The following TXNRD1 variants were observed in gnomAD, a reference collection of about 807,000 sequenced individuals.
The protein encoded by TXNRD1 is thioredoxin reductase 1, cytoplasmic.
Under a neutral mutation model 80.3 loss-of-function variants are expected in TXNRD1, and 57 were observed. The ratio of observed to expected loss-of-function variants is 0.71; its 90% CI spans 0.57 to 0.89. TXNRD1 has a LOEUF of 0.89. Ranked by LOEUF, TXNRD1 falls within the 40% of genes least tolerant of loss-of-function variation. TXNRD1 has a pLI of 0.00. For synonymous variants in TXNRD1, 291 were observed against 285.2 expected (o/e 1.02, Z -0.20); for missense variants, 730 against 803.0 (o/e 0.91, Z 1.10).
At chr12:104,309,188 C>A (rs2035041335) in intron 4 of TXNRD1, among the ~76,000 whole-genome samples, 1 of 152,192 alleles carries the variant, frequency 6.6e-6, no homozygotes, top group African/African-American at 2.4e-5. Context: ...GCATGAGCCA[C>A]CTCACTCAGT....
chr12:104,290,928 A>G (rs891752529), intron 4 of TXNRD1: 13 of 608,958 alleles, frequency 2.1e-5, no homozygotes, highest in Middle Eastern at 3.9e-4. Context: ...AACTCACTTA[A>G]TTGATTTGGT....
At chr12:104,281,918 C>T (rs964070643) in intron 3 of TXNRD1, among the ~76,000 whole-genome samples, 1 of 152,124 alleles carries the variant, frequency 6.6e-6, no homozygotes, top group Non-Finnish European at 1.5e-5. Flanking sequence ...TTTTTTCTCA[C>T]TCATTAGGCT....
chr12:104,236,722 G>C (rs1239666419), intron 1 of TXNRD1, among the ~76,000 whole-genome samples: 3 of 148,064 alleles, frequency 2.0e-5, no homozygotes, highest in Non-Finnish European at 3.0e-5. Flanking sequence ...CCAGGAGGCA[G>C]AGCTGTGGTA....
At chr12:104,218,696 C>T (rs1024256669) in intron 1 of TXNRD1, among the ~76,000 whole-genome samples, 1 of 151,204 alleles carries the variant, frequency 6.6e-6, no homozygotes, top group East Asian at 2.0e-4. Context: ...TAGCTCATTG[C>T]AGCCTCAACC....
intron 1 of TXNRD1, among the ~76,000 whole-genome samples, chr12:104,222,542 G>A (rs562792270): frequency 4.0e-4 from 61 of 152,326 alleles, no homozygotes; most frequent in African/African-American, 1.4e-3. Context: ...GCTGGTTAAT[G>A]TCTCACAGAG....
intron 4 of TXNRD1, among the ~76,000 whole-genome samples, chr12:104,293,244 A>C (rs561854118): frequency 2.4e-4 from 36 of 152,328 alleles, no homozygotes; most frequent in Middle Eastern, 3.4e-3. Flanking sequence ...GAATAATACC[A>C]AGTGTCAGAC....
chr12:104,272,382 A>G (rs920865276), intron 3 of TXNRD1, among the ~76,000 whole-genome samples: 13 of 152,094 alleles, frequency 8.5e-5, no homozygotes, highest in African/African-American at 2.7e-4. Context: ...AGGTAATCGG[A>G]ATGAGTCAGG....
At chr12:104,216,082 G>T (rs2032201003) in intron 1 of TXNRD1, among the ~76,000 whole-genome samples, 189 bp downstream of exon 1, 3 of 152,220 alleles carry the variant, frequency 2.0e-5, no homozygotes, top group Admixed American at 2.0e-4. Flanking sequence ...GGAGGCCGGC[G>T]GCCGGCCGAG....
rs1242127116 is a variant in TXNRD1, at chr12:104,281,220, A to G, written c.305-7711A>G. Among the ~76,000 whole-genome samples the G allele has an allele frequency of 5.3e-5, 8 of 152,240 alleles. No individual in the cohort carries two copies. In the East Asian group the frequency reaches 1.5e-3, roughly 29 times the overall value. ...CTAAAGCCAGAAATCTAGCGTTATC[A>G]TTGATTCTCTTTCTCTTACATCTCT... is the stretch of plus-strand genomic sequence containing the variant. On this transcript the variant is annotated intron_variant, in intron 3 of 16. Transcript: ENST00000525566.
At chr12:104,342,774 C>G (rs1173230399) in intron 16 of TXNRD1, among the ~76,000 whole-genome samples, 2 of 152,144 alleles carry the variant, frequency 1.3e-5, no homozygotes, top group African/African-American at 4.8e-5. Flanking sequence ...GCCAAAAGGT[C>G]TAAAGCAGGG....
chr12:104,273,558 A>C (rs1392113896), intron 3 of TXNRD1, among the ~76,000 whole-genome samples: 3 of 152,130 alleles, frequency 2.0e-5, no homozygotes, highest in Admixed American at 6.5e-5. Context: ...GCGTCACTGC[A>C]CTCCAGTCTG....
Position 104,327,566 on chromosome 12 carries a change from C to G in TXNRD1, c.1437C>G (p.Ile479Met), listed in dbSNP as rs1431660702. The change falls in exon 13 of 17, where the codon ATC (isoleucine) becomes ATG (methionine). Residue 479 changes from isoleucine (I) to methionine (M), a missense_variant. By Grantham distance (10) the Ile-to-Met change is conservative. Coordinates refer to ENST00000525566, the MANE Select transcript of TXNRD1 (RefSeq NM_001093771.3). ...TDEEQTNVPYIYAIGDILEDK... is the reference protein window; with the variant it reads ...TDEEQTNVPYMYAIGDILEDK... ...AAGAACAGACCAATGTGCCTTACAT[C>G]TATGCCATTGGCGATATATTGGAGG... 1 of 1,613,512 alleles carries G rather than the reference C, an allele frequency of 6.2e-7. No individual in the cohort carries two copies. The highest frequency in any genetic ancestry group is 1.3e-5 in the African/African-American group (1 of 74,832).
intron 9 of TXNRD1, 34 bp downstream of exon 9, chr12:104,319,619 C>T: frequency 6.8e-7 from 1 of 1,464,808 alleles, no homozygotes. Flanking sequence ...AAAGAAAAAC[C>T]CATTGTGGAT....
intron 16 of TXNRD1, among the ~76,000 whole-genome samples, chr12:104,343,266 G>A (rs764798646): frequency 3.9e-5 from 6 of 152,118 alleles, no homozygotes; most frequent in Non-Finnish European, 4.4e-5. Flanking sequence ...GGTCATGGCC[G>A]AGCTGGGATT....
intron 10 of TXNRD1, among the ~76,000 whole-genome samples, chr12:104,324,406 C>T (rs1453811936): frequency 7.6e-6 from 1 of 131,164 alleles, no homozygotes; most frequent in Non-Finnish European, 1.6e-5. Flanking sequence ...GGTTGGAGTG[C>T]AGTGGCGTGA....
intron 6 of TXNRD1, 72 bp downstream of exon 6, chr12:104,313,389 C>A: frequency 1.7e-6 from 2 of 1,174,398 alleles, no homozygotes; most frequent in Non-Finnish European, 2.4e-6. Context: ...TAACTGGTTC[C>A]TAAAGCCTAA....
chr12:104,254,985 A>G (rs1453967348), intron 2 of TXNRD1, among the ~76,000 whole-genome samples: 1 of 151,954 alleles, frequency 6.6e-6, no homozygotes, highest in African/African-American at 2.4e-5. Flanking sequence ...AATGCCTGTA[A>G]TCCCAGCTAC....
chr12:104,233,216 G>C (rs995906388), intron 1 of TXNRD1, among the ~76,000 whole-genome samples: 1 of 152,170 alleles, frequency 6.6e-6, no homozygotes, highest in African/African-American at 2.4e-5. Context: ...GCTTAACAAA[G>C]AGTTACTAGC....
chr12:104,255,925 T>A (rs1457883129), intron 2 of TXNRD1, among the ~76,000 whole-genome samples: 1 of 152,228 alleles, frequency 6.6e-6, no homozygotes, highest in Non-Finnish European at 1.5e-5. Context: ...GTTTTCAGAT[T>A]GGTGCCAGTT....
Sources: gnomAD v4.1 joint callset for allele counts (sites outside exome capture counted in the v4.1 genomes callset) on GRCh38, gnomAD v4.1.1 for gene constraint, MANE v1.5 for transcripts, NCBI Gene and HGNC (gene_info 2026-07-23, HGNC 2026-07-21) for gene names.